Variants in FERMT2 observed in about 807,000 individuals in gnomAD.
FERMT2 encodes the protein FERM domain containing kindlin 2.
Under a neutral mutation model 82.7 loss-of-function variants are expected in FERMT2, and 15 were observed. That is an observed-to-expected ratio of 0.18 (90% CI 0.12 to 0.28). The LOEUF is 0.28. FERMT2 is among the 10% of genes least tolerant of loss of function. The probability of loss-of-function intolerance (pLI) is 1.00; values close to 1 mark genes in which losing one functional copy is unlikely to be tolerated. For synonymous variants in FERMT2, 274 were observed against 271.5 expected, an observed-to-expected ratio of 1.01 and a Z score of -0.09; for missense variants, 645 against 809.4, an observed-to-expected ratio of 0.80 and a Z score of 2.46.
At chr14:52,872,759 G>A (rs778338698) in intron 10 of FERMT2, 40 bp downstream of exon 10, 1 of 1,608,344 alleles carries the variant, frequency 6.2e-7, no homozygotes, top group Admixed American at 1.7e-5. Context: ...GGCCAATGGG[G>A]ATGCCACCAT....
At chr14:52,894,952 C>A (rs904400788) in intron 3 of FERMT2, among the ~76,000 whole-genome samples, 1 of 150,104 alleles carries the variant, frequency 6.7e-6, no homozygotes, top group African/African-American at 2.4e-5. Flanking sequence ...ACAAAAAAGG[C>A]AAGCATACAG....
chr14:52,866,327 G>A (rs573231412), intron 10 of FERMT2, among the ~76,000 whole-genome samples: 21 of 152,176 alleles, frequency 1.4e-4, no homozygotes, highest in Admixed American at 3.9e-4. Flanking sequence ...GCCAATTCTG[G>A]TCACAATCTC....
intron 3 of FERMT2, among the ~76,000 whole-genome samples, chr14:52,900,224 G>A (rs972124764): frequency 6.6e-6 from 1 of 151,572 alleles, no homozygotes; most frequent in African/African-American, 2.4e-5. Context: ...CAATCCTCCT[G>A]CCTCAGCCTC....
In FERMT2 at chr14:52,881,208, GAAGA is replaced by G. The variant is rs772310486; in HGVS notation, c.752+32_752+35del. 24 of 1,597,640 alleles carry G rather than the reference GAAGA, an allele frequency of 1.5e-5. No individual in the cohort carries two copies. In the East Asian group the frequency reaches 2.9e-4, roughly 19 times the overall value. On this transcript the variant is annotated intron_variant, in intron 5 of 14. Transcript: ENST00000341590. ...ACAATATTTCTACCTCTAGCTGGATGAAGAAATTCAATTTTATCTATATCTTAAA... is the reference window on the plus strand; with the variant it reads ...ACAATATTTCTACCTCTAGCTGGATGAATTCAATTTTATCTATATCTTAAA...
chr14:52,920,355 G>C (rs1382870942), intron 2 of FERMT2, among the ~76,000 whole-genome samples: 1 of 152,226 alleles, frequency 6.6e-6, no homozygotes, highest in Non-Finnish European at 1.5e-5. Context: ...AACAGGCCCA[G>C]CGTGGTGGCT....
At position 52,860,246 on chromosome 14, in the gene FERMT2, T is replaced by C. The variant is rs879920952; in HGVS notation, c.1727+95A>G. 23 of 1,030,840 alleles carry C rather than the reference T, an allele frequency of 2.2e-5. 1 individual carries two copies. Among genetic ancestry groups the C allele is most frequent in the Non-Finnish European group, 2.9e-5 (20 of 692,850 alleles). The allele number at this position is 1,030,840 out of a possible 1,614,324, so 63.9% of individuals were successfully genotyped here. On this transcript the variant is annotated intron_variant, in intron 13 of 14. Transcript: ENST00000341590. ...TGTAATATGAGTTAATGGGTCTACATAGGTATGCTTTAGATGTTTAATATC... is the reference window on the plus strand; with the variant it reads ...TGTAATATGAGTTAATGGGTCTACACAGGTATGCTTTAGATGTTTAATATC...
At chr14:52,860,069 G>A (rs552229226) in intron 13 of FERMT2, 18 of 318,494 alleles carry the variant, frequency 5.7e-5, no homozygotes, top group Middle Eastern at 9.1e-4. Context: ...CACCCACCTC[G>A]GCCTCCCACA....
At position 52,893,452 on chromosome 14, in the gene FERMT2, C is replaced by T. The variant is rs1480056639; in HGVS notation, c.392-25G>A. On this transcript the variant is annotated intron_variant, in intron 3 of 14. Transcript: ENST00000341590. ...TCTGTTAATAAAATAGATTGTTTTA[C>T]TAGAACAAAGGAAAATTTAAACATT... The T allele has an allele frequency of 5.8e-6, 9 of 1,540,766 alleles. No homozygotes were observed. In the South Asian group the frequency reaches 9.7e-5, roughly 17 times the overall value.
chr14:52,878,922 CAG>C (rs1267730401), intron 6 of FERMT2, among the ~76,000 whole-genome samples: 1 of 152,064 alleles, frequency 6.6e-6, no homozygotes, highest in South Asian at 2.1e-4. Flanking sequence ...TAAAATATGA[CAG>C]AGAATAATTG....
At chr14:52,880,971 A>C in intron 6 of FERMT2, 65 bp downstream of exon 6, 1 of 1,020,162 alleles carries the variant, frequency 9.8e-7, no homozygotes, top group Non-Finnish European at 1.5e-6. Context: ...TTCCAAAAAC[A>C]AACATCCATG....
chr14:52,938,215 C>T (rs1169363149), intron 2 of FERMT2, among the ~76,000 whole-genome samples: 1 of 152,062 alleles, frequency 6.6e-6, no homozygotes, highest in Non-Finnish European at 1.5e-5. Flanking sequence ...AAAATGGTTT[C>T]AGCAAGAGAT....
At chr14:52,891,207 T>C (rs1286023778) in intron 4 of FERMT2, among the ~76,000 whole-genome samples, 8 of 152,306 alleles carry the variant, frequency 5.3e-5, no homozygotes, top group African/African-American at 1.9e-4. Flanking sequence ...AGGATGTTCT[T>C]TGTTAGTATC....
chr14:52,941,274 T>C (rs1402970865), intron 2 of FERMT2, among the ~76,000 whole-genome samples: 1 of 152,226 alleles, frequency 6.6e-6, no homozygotes, highest in Non-Finnish European at 1.5e-5. Flanking sequence ...CACTGGTTTT[T>C]AGGATCTGGG....
chr14:52,925,881 T>G (rs1166580059), intron 2 of FERMT2, among the ~76,000 whole-genome samples: 1 of 152,170 alleles, frequency 6.6e-6, no homozygotes, highest in Admixed American at 6.5e-5. Context: ...TGACCTCAAG[T>G]GATCCAACCC....
At chr14:52,925,541 A>G (rs1220708036) in intron 2 of FERMT2, among the ~76,000 whole-genome samples, 1 of 147,406 alleles carries the variant, frequency 6.8e-6, no homozygotes, top group Non-Finnish European at 1.5e-5. Context: ...CCTGGGCAAC[A>G]CAGCAAGACT....
At chr14:52,905,351 G>A (rs1363415003) in intron 3 of FERMT2, among the ~76,000 whole-genome samples, 14 of 152,298 alleles carry the variant, frequency 9.2e-5, no homozygotes, top group Middle Eastern at 3.4e-3. Flanking sequence ...AGGCACTGGG[G>A]AGAAATTGGG....
At chr14:52,911,139 T>C (rs1294749580) in intron 3 of FERMT2, among the ~76,000 whole-genome samples, 1 of 152,148 alleles carries the variant, frequency 6.6e-6, no homozygotes, top group Non-Finnish European at 1.5e-5. Context: ...AGTAAATATT[T>C]TAGGGTATGC....
intron 12 of FERMT2, among the ~76,000 whole-genome samples, chr14:52,864,059 T>C (rs1201745907): frequency 6.6e-6 from 1 of 152,200 alleles, no homozygotes; most frequent in African/African-American, 2.4e-5. Flanking sequence ...TTTCTACAGA[T>C]TGAGTATCCA....
rs765933496 is a variant in FERMT2, at chr14:52,878,653, C to T, written c.892G>A (p.Ala298Thr). The change falls in exon 7 of 15, where the codon GCC (alanine) becomes ACC (threonine). Residue 298 changes from alanine (A) to threonine (T), a missense_variant. Physicochemically the swap from Ala to Thr is moderately conservative, Grantham distance 58 (BLOSUM62 0). Coordinates refer to ENST00000341590, the MANE Select transcript of FERMT2 (RefSeq NM_006832.3). Reference sequence around the variant, plus strand: ...TCTTCCAGGAGAATGGCCCATTTGGCCTGCTCGTAAAGCTGATTGATTCTG... The same window carrying T: ...TCTTCCAGGAGAATGGCCCATTTGGTCTGCTCGTAAAGCTGATTGATTCTG... ...AIRINQLYEQ[A>T]KWAILLEEIE... 2 of 1,608,298 alleles carry T rather than the reference C, an allele frequency of 1.2e-6. No homozygotes were observed. The highest frequency in any genetic ancestry group is 2.2e-5 in the East Asian group (1 of 44,652).
Sources: allele counts gnomAD v4.1 joint callset (sites outside exome capture counted in the v4.1 genomes callset), GRCh38; gene constraint gnomAD v4.1.1; transcripts MANE v1.5; gene names NCBI Gene and HGNC (gene_info 2026-07-23, HGNC 2026-07-21).